The following LUZP2 variants were observed in gnomAD, a reference collection of about 807,000 sequenced individuals.
LUZP2 encodes leucine zipper protein 2.
A neutral mutation model predicts 51.6 loss-of-function variants in LUZP2; 52 were observed. That is an observed-to-expected ratio of 1.01 (90% CI 0.81 to 1.27). The LOEUF is 1.27. Ranked by LOEUF, LUZP2 falls within the 50% of genes most tolerant of loss-of-function variation. The pLI is 0.00. For missense variants in LUZP2, 436 were observed against 395.4 expected (o/e 1.10, Z -0.87); for synonymous variants, 154 against 137.3 (o/e 1.12, Z -0.85).
At chr11:24,602,164 A>G (rs1207571422) in intron 1 of LUZP2, among the ~76,000 whole-genome samples, 2 of 70,152 alleles carry the variant, frequency 2.9e-5, no homozygotes, top group Admixed American at 1.7e-4. Context: ...ATATGTATAT[A>G]TGTGTATATA....
chr11:24,885,130 A>G (rs1852628603), intron 5 of LUZP2, among the ~76,000 whole-genome samples: 1 of 152,086 alleles, frequency 6.6e-6, no homozygotes, highest in South Asian at 2.1e-4. Context: ...TTTATCTATA[A>G]GAGAAATTAG....
At chr11:24,804,708 T>C (rs1849802210) in intron 5 of LUZP2, among the ~76,000 whole-genome samples, 1 of 152,142 alleles carries the variant, frequency 6.6e-6, no homozygotes, top group Non-Finnish European at 1.5e-5. Context: ...GTCAGAAAAT[T>C]CTTTTATTGC....
chr11:24,744,948 C>G (rs527660497), intron 4 of LUZP2, among the ~76,000 whole-genome samples: 1 of 152,074 alleles, frequency 6.6e-6, no homozygotes, highest in African/African-American at 2.4e-5. Context: ...AAATTTCCAT[C>G]TTGATTTCAT....
chr11:24,674,815 A>G (rs1023592675), intron 1 of LUZP2, among the ~76,000 whole-genome samples: 2 of 152,212 alleles, frequency 1.3e-5, no homozygotes, highest in Admixed American at 1.3e-4. Flanking sequence ...CATATGTAAT[A>G]TGAAATGGCA....
At chr11:24,555,765 A>T (rs1401420305) in intron 1 of LUZP2, among the ~76,000 whole-genome samples, 1 of 152,186 alleles carries the variant, frequency 6.6e-6, no homozygotes, top group South Asian at 2.1e-4. Flanking sequence ...GCTTGAGTAC[A>T]GTAGTTCAAG....
At chr11:25,016,476 A>T (rs559604945) in intron 9 of LUZP2, among the ~76,000 whole-genome samples, 1 of 152,130 alleles carries the variant, frequency 6.6e-6, no homozygotes, top group East Asian at 1.9e-4. Flanking sequence ...GCTGCAAAAT[A>T]TATTATTCCA....
At chr11:24,574,307 C>A (rs1852563044) in intron 1 of LUZP2, among the ~76,000 whole-genome samples, 1 of 24,874 alleles carries the variant, frequency 4.0e-5, no homozygotes, top group African/African-American at 1.3e-4. Flanking sequence ...CTTTCTTTTT[C>A]TTTTCCCTCC....
Position 24,678,559 on chromosome 11 carries a change from T to G in LUZP2, c.63-50610T>G, listed in dbSNP as rs192013126. On this transcript the variant is annotated intron_variant, in intron 1 of 11. Coordinates refer to ENST00000336930, the MANE Select transcript of LUZP2 (RefSeq NM_001009909.4). The stretch of plus-strand genomic sequence containing the variant: ...TAAAAGAAAAAAAAAACTGAGATTG[T>G]GTCTTGTGTTTTATGTTCCCAACTA... Among the ~76,000 whole-genome samples the G allele has an allele frequency of 2.0e-5, 3 of 152,186 alleles. No homozygotes were observed. The East Asian group carries it at 5.8e-4, about 29-fold the overall frequency.
At chr11:24,938,056 T>C (rs1051638559) in intron 7 of LUZP2, among the ~76,000 whole-genome samples, 18 of 152,170 alleles carry the variant, frequency 1.2e-4, no homozygotes, top group African/African-American at 4.3e-4. Flanking sequence ...AGAATCAGTT[T>C]ATCTCTTTTT....
chr11:24,503,739 CT>C (rs749471177), intron 1 of LUZP2, among the ~76,000 whole-genome samples: 1 of 152,170 alleles, frequency 6.6e-6, no homozygotes, highest in African/African-American at 2.4e-5. Context: ...GAACCCAGAA[CT>C]TTCCACTATA....
chr11:24,574,345 C>A (rs1163467844), intron 1 of LUZP2, among the ~76,000 whole-genome samples: 1 of 98,540 alleles, frequency 1.0e-5, no homozygotes, highest in East Asian at 3.4e-4. Context: ...TTGCTTCCTT[C>A]CTTTCCTCCC....
At chr11:24,785,934 TTCC>T (rs879209657) in intron 5 of LUZP2, 1 of 985,342 alleles carries the variant, frequency 1.0e-6, no homozygotes, top group Admixed American at 6.2e-5. Context: ...TAGATCTGAC[TTCC>T]TACAAGCAGT....
intron 1 of LUZP2, among the ~76,000 whole-genome samples, chr11:24,510,866 A>G (rs370290925): frequency 2.0e-5 from 3 of 152,176 alleles, no homozygotes; most frequent in African/African-American, 7.2e-5. Context: ...TGGGTAAGTT[A>G]GCCATGTCAG....
At chr11:24,885,379 G>A (rs895961286) in intron 5 of LUZP2, among the ~76,000 whole-genome samples, 3 of 152,002 alleles carry the variant, frequency 2.0e-5, no homozygotes, top group Admixed American at 6.6e-5. Flanking sequence ...ACAACCACCC[G>A]TTGAAGTTGG....
intron 5 of LUZP2, among the ~76,000 whole-genome samples, chr11:24,789,002 G>A (rs753374785): frequency 1.9e-4 from 29 of 152,252 alleles, no homozygotes; most frequent in Non-Finnish European, 3.7e-4. Flanking sequence ...ACTGTGTCCA[G>A]CCAAATTGAT....
chr11:24,783,751 C>G (rs571102185), intron 5 of LUZP2, among the ~76,000 whole-genome samples: 21 of 152,116 alleles, frequency 1.4e-4, no homozygotes, highest in South Asian at 1.0e-3. Flanking sequence ...AGTTATCACA[C>G]TGCAATGCAT....
chr11:24,581,906 T>C (rs1016564909), intron 1 of LUZP2, among the ~76,000 whole-genome samples: 20 of 152,044 alleles, frequency 1.3e-4, no homozygotes, highest in African/African-American at 4.3e-4. Flanking sequence ...AGTCATCAGG[T>C]CACTGATGGA....
chr11:25,009,002 G>C (rs1446055020), intron 9 of LUZP2, among the ~76,000 whole-genome samples: 1 of 152,178 alleles, frequency 6.6e-6, no homozygotes, highest in Admixed American at 6.5e-5. Context: ...TTTCACAGGG[G>C]ACCACTCCTT....
intron 4 of LUZP2, among the ~76,000 whole-genome samples, chr11:24,743,343 T>G (rs1859255284): frequency 6.6e-6 from 1 of 152,154 alleles, no homozygotes; most frequent in South Asian, 2.1e-4. Flanking sequence ...TTTCCATTTG[T>G]TTGTGTCATC....
Sources: allele counts gnomAD v4.1 joint callset (sites outside exome capture counted in the v4.1 genomes callset), GRCh38; gene constraint gnomAD v4.1.1; transcripts MANE v1.5; gene names NCBI Gene and HGNC (gene_info 2026-07-23, HGNC 2026-07-21).